SLIT2: variants seen among roughly 807,000 people sequenced by gnomAD.
SLIT2 encodes slit homolog 2 protein.
In SLIT2, 41 loss-of-function variants were observed where a neutral mutation model predicts 185.7. That is an observed-to-expected ratio of 0.22 (90% CI 0.17 to 0.29). SLIT2 has a LOEUF of 0.29. SLIT2 is among the 10% of genes least tolerant of loss of function. The pLI, the probability that SLIT2 is intolerant of heterozygous loss-of-function variation, is 1.00. For missense variants in SLIT2, 1,571 were observed against 1,909.0 expected, an observed-to-expected ratio of 0.82 and a Z score of 3.30; for synonymous variants, 693 against 680.2, an observed-to-expected ratio of 1.02 and a Z score of -0.29.
chr4:20,340,897 G>A (rs949499411), intron 4 of SLIT2, among the ~76,000 whole-genome samples: 1 of 152,094 alleles, frequency 6.6e-6, no homozygotes, highest in Non-Finnish European at 1.5e-5. Context: ...CACCGTGCCC[G>A]GCCAATAAAT....
At chr4:20,515,885 G>A (rs1427596458) in intron 11 of SLIT2, among the ~76,000 whole-genome samples, 3 of 152,008 alleles carry the variant, frequency 2.0e-5, no homozygotes, top group South Asian at 2.1e-4. Context: ...GCGCAATCTC[G>A]GCTCACTGCA....
At chr4:20,523,711 G>T in intron 12 of SLIT2, 49 bp from the exon 13 acceptor site, 1 of 1,535,000 alleles carries the variant, frequency 6.5e-7, no homozygotes, top group South Asian at 1.1e-5. Context: ...TCTTGCAGGT[G>T]AGTTAATAAG....
chr4:20,472,591 T>TATATAG lies in SLIT2; in HGVS notation c.467+4773_467+4774insGATATA, dbSNP rs1715609879. Among the ~76,000 whole-genome samples the TATATAG allele has an allele frequency of 1.9e-3, 28 of 14,974 alleles. 3 individuals carry two copies. Among genetic ancestry groups the TATATAG allele is most frequent in the Admixed American group, 2.2e-3 (2 of 926 alleles). 9.8% of individuals were successfully genotyped at this position (14,974 alleles called of 152,430 possible). A position where few individuals can be genotyped will look rare whatever the true frequency, so the allele number is the denominator to read the frequency against. ...ATATATAGATATATCTATATATAGA[T>TATATAG]ATATATCTATAGATATATCTATATA... On this transcript the variant is annotated intron_variant, in intron 5 of 36. Transcript: ENST00000504154.
In SLIT2 at chr4:20,550,811, T is replaced by C; in HGVS notation, c.2490-16T>C. On this transcript the variant is annotated splice_polypyrimidine_tract_variant and intron_variant, in intron 24 of 36. Transcript: ENST00000504154. ...AGAAATATAGGAAGTTTAATTTTTCTTTTTCTTTCTTTTAGTTCTCTACAT... is the reference window on the plus strand; with the variant it reads ...AGAAATATAGGAAGTTTAATTTTTCCTTTTCTTTCTTTTAGTTCTCTACAT... 4.5e-6 allele frequency: 7 copies of C among 1,564,330 alleles called. No individual in the cohort carries two copies. Among genetic ancestry groups the C allele is most frequent in the Non-Finnish European group, 6.1e-6 (7 of 1,140,522 alleles).
chr4:20,481,481 C>T (rs1162787993), intron 6 of SLIT2, among the ~76,000 whole-genome samples: 1 of 152,038 alleles, frequency 6.6e-6, no homozygotes, highest in Non-Finnish European at 1.5e-5. Flanking sequence ...GCCGCCTATA[C>T]ATTTTTCGAA....
intron 33 of SLIT2, among the ~76,000 whole-genome samples, chr4:20,599,020 G>A (rs565595022): frequency 2.6e-5 from 4 of 152,238 alleles, no homozygotes; most frequent in Admixed American, 2.6e-4. Flanking sequence ...AGTAACTTCA[G>A]GTTGCCATTC....
chr4:20,389,667 G>A (rs933980388), intron 4 of SLIT2, among the ~76,000 whole-genome samples: 2 of 151,994 alleles, frequency 1.3e-5, no homozygotes, highest in African/African-American at 2.4e-5. Context: ...GCAACCAGAG[G>A]TGAGCATAAG....
intron 20 of SLIT2, 40 bp from the exon 21 acceptor site, chr4:20,542,454 C>A (rs1199074579): frequency 1.9e-6 from 3 of 1,608,802 alleles, no homozygotes; most frequent in Admixed American, 3.3e-5. Flanking sequence ...ACCTTCAAGA[C>A]CACAAATCTT....
chr4:20,314,438 T>G (rs896268858), intron 4 of SLIT2, among the ~76,000 whole-genome samples: 3 of 152,162 alleles, frequency 2.0e-5, no homozygotes, highest in Non-Finnish European at 2.9e-5. Flanking sequence ...AGCTATTTAC[T>G]GAGTTCCTGA....
chr4:20,286,661 G>T (rs945200963), intron 4 of SLIT2, among the ~76,000 whole-genome samples: 1 of 152,088 alleles, frequency 6.6e-6, no homozygotes, highest in African/African-American at 2.4e-5. Flanking sequence ...AATTAGATGG[G>T]CGTGGTAGCG....
chr4:20,308,543 T>A (rs1348437284), intron 4 of SLIT2, among the ~76,000 whole-genome samples: 1 of 152,132 alleles, frequency 6.6e-6, no homozygotes. Flanking sequence ...ACTTTTCAGC[T>A]ACATGACCTT....
chr4:20,366,280 G>A (rs1723112454), intron 4 of SLIT2, among the ~76,000 whole-genome samples: 1 of 152,058 alleles, frequency 6.6e-6, no homozygotes, highest in African/African-American at 2.4e-5. Context: ...TTCGTACAAT[G>A]TATAAATGAT....
Position 20,364,442 on chromosome 4 carries a change from T to C in SLIT2, c.395+95561T>C, listed in dbSNP as rs1186633636. On this transcript the variant is annotated intron_variant, in intron 4 of 36. Coordinates refer to ENST00000504154, the MANE Select transcript of SLIT2 (RefSeq NM_004787.4). ...ACAGATAATTAAGAATGACAAAATC[T>C]AAAGATATCAAATAAAATGTAAAAC... 2.0e-5 allele frequency among the ~76,000 whole-genome samples: 3 copies of C among 152,156 alleles called. 1 individual carries two copies. In the South Asian group the frequency reaches 6.2e-4, roughly 32 times the overall value.
At chr4:20,546,794 T>A (rs1197029720) in intron 22 of SLIT2, among the ~76,000 whole-genome samples, 1 of 152,100 alleles carries the variant, frequency 6.6e-6, no homozygotes, top group African/African-American at 2.4e-5. Context: ...TGTTTAAAAA[T>A]TGATATAATC....
intron 4 of SLIT2, among the ~76,000 whole-genome samples, chr4:20,272,832 T>A: frequency 6.8e-6 from 1 of 147,794 alleles, no homozygotes; most frequent in East Asian, 1.9e-4. Flanking sequence ...GAATGAAAAC[T>A]TTTTACTTCT....
chr4:20,524,120 C>T lies in SLIT2; in HGVS notation c.1381C>T (p.Arg461Cys). 1.2e-6 allele frequency: 2 copies of T among 1,614,150 alleles called. No homozygotes were observed. The highest frequency in any genetic ancestry group is 1.7e-6 in the Non-Finnish European group (2 of 1,180,022). Residue 461 changes from arginine to cysteine, a missense_variant, in exon 14 of 37, where the codon CGC becomes TGC. Transcript: ENST00000504154. ...ETSGARCTSP[R>C]RLANKRIGQI... ...CAGTGGTGCCCGTTGCACCAGCCCC[C>T]GCCGCCTGGCAAACAAAAGAATTGG...
At chr4:20,472,390 A>ATATC (rs1560453788) in intron 5 of SLIT2, among the ~76,000 whole-genome samples, 8 of 47,056 alleles carry the variant, frequency 1.7e-4, no homozygotes, top group African/African-American at 5.0e-4. Flanking sequence ...ATATATGTAG[A>ATATC]TATATAGATA....
At chr4:20,525,124 AT>A (rs1721171691) in intron 14 of SLIT2, 24 bp from the exon 15 acceptor site, 1 of 1,590,666 alleles carries the variant, frequency 6.3e-7, no homozygotes, top group South Asian at 1.1e-5. Context: ...TGCATCTTCT[AT>A]TTTTTGTCTC....
chr4:20,568,459 T>G (rs1725287594), intron 28 of SLIT2, among the ~76,000 whole-genome samples: 1 of 152,036 alleles, frequency 6.6e-6, no homozygotes, highest in South Asian at 2.1e-4. Context: ...TAGTAGATAT[T>G]GCAATTTTAA....
Sources: gnomAD v4.1 joint callset for allele counts (sites outside exome capture counted in the v4.1 genomes callset) on GRCh38, gnomAD v4.1.1 for gene constraint, MANE v1.5 for transcripts, NCBI Gene and HGNC (gene_info 2026-07-23, HGNC 2026-07-21) for gene names.